The following SLC38A9 variants were observed in gnomAD, a reference collection of about 807,000 sequenced individuals.
The protein encoded by SLC38A9 is neutral amino acid transporter 9.
In SLC38A9, 48 loss-of-function variants were observed where a neutral mutation model predicts 62.3. The ratio of observed to expected loss-of-function variants is 0.77; its 90% CI spans 0.61 to 0.98. The LOEUF (loss-of-function observed/expected upper bound fraction) is 0.98, where lower values mean the gene tolerates loss of function less well. Ranked by LOEUF, SLC38A9 falls within the 50% of genes least tolerant of loss-of-function variation. SLC38A9 has a pLI of 0.00. For missense variants in SLC38A9, 541 were observed against 679.8 expected (o/e 0.80, Z 2.27); for synonymous variants, 204 against 227.7 (o/e 0.90, Z 0.94).
intron 2 of SLC38A9, among the ~76,000 whole-genome samples, chr5:55,701,230 A>G (rs1036412014): frequency 3.3e-5 from 5 of 152,186 alleles, no homozygotes; most frequent in African/African-American, 1.2e-4. Flanking sequence ...TCTCTAGCCT[A>G]AACTTCTTTT....
intron 8 of SLC38A9, among the ~76,000 whole-genome samples, chr5:55,663,406 T>C (rs1280660007): frequency 1.3e-5 from 2 of 152,110 alleles, no homozygotes; most frequent in Admixed American, 1.3e-4. Context: ...TTTGCATTTT[T>C]TGTAGTTTGA....
At chr5:55,632,082 C>A (rs972239331) in intron 14 of SLC38A9, among the ~76,000 whole-genome samples, 2 of 152,144 alleles carry the variant, frequency 1.3e-5, no homozygotes, top group African/African-American at 2.4e-5. Flanking sequence ...TGTTATATAT[C>A]AAATAAAAAT....
At chr5:55,710,270 T>A (rs943275454) in intron 2 of SLC38A9, among the ~76,000 whole-genome samples, 1 of 151,248 alleles carries the variant, frequency 6.6e-6, no homozygotes, top group African/African-American at 2.4e-5. Flanking sequence ...TGGTGCAGTC[T>A]TGGCTCACTG....
intron 4 of SLC38A9, 70 bp from the exon 5 acceptor site, chr5:55,669,949 G>C (rs1580269612): frequency 7.0e-7 from 1 of 1,433,706 alleles, no homozygotes; most frequent in East Asian, 2.3e-5. Flanking sequence ...TTACACATCA[G>C]AACACCTGAC....
chr5:55,691,443 G>A (rs1754727662), intron 3 of SLC38A9, among the ~76,000 whole-genome samples: 1 of 152,088 alleles, frequency 6.6e-6, no homozygotes, highest in Non-Finnish European at 1.5e-5. Flanking sequence ...CCTAGGCCCT[G>A]GGGAAAATGG....
chr5:55,700,449 G>A (rs902411492), intron 2 of SLC38A9, among the ~76,000 whole-genome samples: 1 of 151,720 alleles, frequency 6.6e-6, no homozygotes, highest in African/African-American at 2.4e-5. Context: ...AGGTCCTTAT[G>A]TTGTCCAGAT....
intron 2 of SLC38A9, among the ~76,000 whole-genome samples, chr5:55,700,184 C>T (rs2408205): frequency 0.6 from 90,821 of 151,390 alleles, 27,807 homozygotes; most frequent in South Asian, 0.7. Flanking sequence ...CTACTAAAAA[C>T]ATAAAAATTG....
intron 11 of SLC38A9, among the ~76,000 whole-genome samples, chr5:55,647,620 A>G (rs1746626677): frequency 6.6e-6 from 1 of 152,228 alleles, no homozygotes; most frequent in South Asian, 2.1e-4. Context: ...CTTAGTTAAG[A>G]TACCCTGTAA....
At chr5:55,695,346 T>C (rs1211532423) in intron 3 of SLC38A9, among the ~76,000 whole-genome samples, 1 of 88,466 alleles carries the variant, frequency 1.1e-5, no homozygotes, top group Admixed American at 1.1e-4. Flanking sequence ...AGGACAATAG[T>C]GGAGGGAAGG....
intron 14 of SLC38A9, among the ~76,000 whole-genome samples, chr5:55,632,582 T>C (rs1463452717): frequency 1.3e-5 from 2 of 152,194 alleles, no homozygotes; most frequent in African/African-American, 4.8e-5. Context: ...TGAATCTCAG[T>C]CCCATTCTCC....
At chr5:55,666,705 C>T (rs1022519370) in intron 7 of SLC38A9, among the ~76,000 whole-genome samples, 2 of 151,918 alleles carry the variant, frequency 1.3e-5, no homozygotes, top group African/African-American at 4.8e-5. Context: ...ACCAGCCTGG[C>T]CAACATGGCG....
intron 14 of SLC38A9, among the ~76,000 whole-genome samples, chr5:55,630,443 G>A (rs1743234487): frequency 6.6e-6 from 1 of 151,788 alleles, no homozygotes; most frequent in Non-Finnish European, 1.5e-5. Context: ...TCAGCCTCCC[G>A]AGTACCTGGG....
chr5:55,689,332 G>A (rs539733335), intron 3 of SLC38A9, among the ~76,000 whole-genome samples: 4 of 152,292 alleles, frequency 2.6e-5, no homozygotes, highest in African/African-American at 9.6e-5. Context: ...TATCAGGCAA[G>A]CCAAAGATGC....
chr5:55,685,510 CAT>C (rs1318945938), intron 3 of SLC38A9, among the ~76,000 whole-genome samples: 1 of 152,124 alleles, frequency 6.6e-6, no homozygotes, highest in Admixed American at 6.5e-5. Flanking sequence ...TTTGTGTAGA[CAT>C]ATGTTTTTAA....
At position 55,697,939 on chromosome 5, in the gene SLC38A9, T is replaced by G. The variant is rs769301434; in HGVS notation, c.20A>C (p.Asp7Ala). 1 of 1,597,914 alleles carries G rather than the reference T, an allele frequency of 6.3e-7. No individual in the cohort carries two copies. The highest frequency in any genetic ancestry group is 2.3e-5 in the East Asian group (1 of 44,084). ...CTCAGAGGTGCCAAGATGCCTAGAA[T>G]CACTATTCATATTTGCCATTTTTCT... MANMNSDSRHLGTSEVD... is the reference protein window; with the variant it reads MANMNSASRHLGTSEVD... The change falls in exon 3 of 16, where the codon GAT becomes GCT. Residue 7 changes from aspartate (D) to alanine (A), a missense_variant. Asp to Ala is a moderately radical substitution (Grantham distance 126). Transcript: ENST00000396865.
chr5:55,658,153 G>A (rs942489247), intron 8 of SLC38A9: 6 of 97,208 alleles, frequency 6.2e-5, no homozygotes, highest in African/African-American at 2.1e-4. Context: ...AATGACTGAT[G>A]TCTTTTATTT....
At chr5:55,646,504 C>G (rs1458055811) in intron 11 of SLC38A9, among the ~76,000 whole-genome samples, 2 of 151,918 alleles carry the variant, frequency 1.3e-5, no homozygotes, top group Non-Finnish European at 2.9e-5. Context: ...TTTTTAATAC[C>G]TGAATTTGCC....
At chr5:55,663,401 A>AT (rs2067790280) in intron 8 of SLC38A9, among the ~76,000 whole-genome samples, 1 of 151,668 alleles carries the variant, frequency 6.6e-6, no homozygotes, top group African/African-American at 2.4e-5. Context: ...TAGCTTTTGC[A>AT]TTTTTTGTAG....
intron 12 of SLC38A9, among the ~76,000 whole-genome samples, chr5:55,643,134 A>G (rs192223080): frequency 2.0e-4 from 30 of 152,304 alleles, no homozygotes; most frequent in African/African-American, 6.7e-4. Flanking sequence ...CCTTGGGTTT[A>G]GTTTGCTTTA....
Sources: allele counts gnomAD v4.1 joint callset (sites outside exome capture counted in the v4.1 genomes callset), GRCh38; gene constraint gnomAD v4.1.1; transcripts MANE v1.5; gene names NCBI Gene and HGNC (gene_info 2026-07-23, HGNC 2026-07-21).